ARHGAP5: variants seen among roughly 807,000 people sequenced by gnomAD.
ARHGAP5 encodes the protein rho GTPase-activating protein 5.
In ARHGAP5, 23 loss-of-function variants were observed where a neutral mutation model predicts 116.6. The ratio of observed to expected loss-of-function variants is 0.20; its 90% CI spans 0.14 to 0.28. The LOEUF (loss-of-function observed/expected upper bound fraction) is 0.28, where lower values mean the gene tolerates loss of function less well. Among genes scored for constraint, ARHGAP5 ranks in the 10% least tolerant of loss-of-function variants. The pLI, the probability that ARHGAP5 is intolerant of heterozygous loss-of-function variation, is 1.00. For missense variants in ARHGAP5, 1,405 were observed against 1,774.8 expected (o/e 0.79, Z 3.74); for synonymous variants, 574 against 602.0 (o/e 0.95, Z 0.68).
At chr14:32,085,901 A>G (rs1468913058) in intron 1 of ARHGAP5, among the ~76,000 whole-genome samples, 4 of 152,182 alleles carry the variant, frequency 2.6e-5, no homozygotes, top group African/African-American at 9.7e-5. Flanking sequence ...GTACATTATT[A>G]TAGATTGTAG....
In ARHGAP5 at chr14:32,092,991, A is replaced by G; in HGVS notation, c.2322A>G (p.Ser774=). 1 of 1,614,134 alleles carries G rather than the reference A, an allele frequency of 6.2e-7. No individual in the cohort carries two copies. The highest frequency in any genetic ancestry group is 8.5e-7 in the Non-Finnish European group (1 of 1,179,968). ...CAATTCCTGCCAATAAGGACTTATCAGAAGCTGACTTGAGAATTGTCATGT... is the reference window on the plus strand; with the variant it reads ...CAATTCCTGCCAATAAGGACTTATCGGAAGCTGACTTGAGAATTGTCATGT... The part of the protein sequence containing the change: ...VSPIPANKDL[S]EADLRIVMCA... The change falls in exon 2 of 7, where the codon TCA becomes TCG. Residue 774 remains serine (S), a synonymous_variant. Coordinates refer to ENST00000345122, the MANE Select transcript of ARHGAP5 (RefSeq NM_001030055.2). This position sits in a 1 kb window ranked among gnomAD's most constrained non-coding sequence, Gnocchi z 4.1.
At chr14:32,131,834 G>C (rs189948467) in intron 3 of ARHGAP5, among the ~76,000 whole-genome samples, 227 of 152,234 alleles carry the variant, frequency 1.5e-3, no homozygotes, top group Non-Finnish European at 2.7e-3. Context: ...AACATGCGGT[G>C]TTTGGTTTTT....
intron 3 of ARHGAP5, among the ~76,000 whole-genome samples, chr14:32,143,202 A>AGTTGTTGTTGTTGTTGTTGTT (rs140378018): frequency 1.4e-5 from 2 of 145,440 alleles, no homozygotes; most frequent in East Asian, 2.0e-4. Context: ...ACATTATTTT[A>AGTTGTTGTTGTTGTTGTTGTT]GTTGTTGTTG....
intron 2 of ARHGAP5, among the ~76,000 whole-genome samples, chr14:32,111,923 C>T (rs1464340036): frequency 6.8e-6 from 1 of 147,814 alleles, no homozygotes; most frequent in Non-Finnish European, 1.5e-5. Context: ...CTCACTGTAA[C>T]CTCCCGGGTT....
At chr14:32,137,824 T>A (rs1345703609) in intron 3 of ARHGAP5, among the ~76,000 whole-genome samples, 1 of 151,540 alleles carries the variant, frequency 6.6e-6, no homozygotes, top group Non-Finnish European at 1.5e-5. Flanking sequence ...ATACAAAAAT[T>A]AGCCAGACGT....
At chr14:32,148,015 T>C (rs113513550) in intron 4 of ARHGAP5, among the ~76,000 whole-genome samples, 3,426 of 152,166 alleles carry the variant, frequency 0.023, 48 homozygotes, top group Middle Eastern at 0.068. Context: ...TAGCCAGACA[T>C]GGTGGTACAC....
chr14:32,138,138 C>T (rs190596184), intron 3 of ARHGAP5, among the ~76,000 whole-genome samples: 79 of 152,146 alleles, frequency 5.2e-4, no homozygotes, highest in African/African-American at 1.8e-3. Flanking sequence ...CTTTAGGATG[C>T]TGTTGTAAAT....
chr14:32,134,662 A>G (rs1055377772), intron 3 of ARHGAP5, among the ~76,000 whole-genome samples: 3 of 152,236 alleles, frequency 2.0e-5, no homozygotes, highest in African/African-American at 7.2e-5. Flanking sequence ...TCACACATAC[A>G]TACTCTAAAC....
chr14:32,138,560 AG>A (rs1255185118), intron 3 of ARHGAP5, among the ~76,000 whole-genome samples: 1 of 152,246 alleles, frequency 6.6e-6, no homozygotes, highest in Non-Finnish European at 1.5e-5. Flanking sequence ...CTGGGATTAC[AG>A]GCGTGAGCCA....
At chr14:32,122,879 ATCTG>A (rs1879958771) in intron 3 of ARHGAP5, among the ~76,000 whole-genome samples, 1 of 152,158 alleles carries the variant, frequency 6.6e-6, no homozygotes, top group African/African-American at 2.4e-5. Flanking sequence ...ACATGATATT[ATCTG>A]TCTGTTTTCA....
intron 3 of ARHGAP5, among the ~76,000 whole-genome samples, chr14:32,130,389 T>TC (rs200207073): frequency 0.018 from 2,580 of 140,198 alleles, 77 homozygotes; most frequent in African/African-American, 0.066. Flanking sequence ...TTTTTTGGGT[T>TC]TTTTTTTTTT....
intron 3 of ARHGAP5, among the ~76,000 whole-genome samples, chr14:32,141,419 T>C (rs1298289176): frequency 6.6e-6 from 1 of 152,210 alleles, no homozygotes; most frequent in Non-Finnish European, 1.5e-5. Context: ...TCATTTCCCA[T>C]CTTTGTTATT....
intron 3 of ARHGAP5, among the ~76,000 whole-genome samples, chr14:32,125,515 A>G (rs1397443885): frequency 6.6e-6 from 1 of 152,228 alleles, no homozygotes; most frequent in Non-Finnish European, 1.5e-5. Context: ...ATACTGGATC[A>G]TATGGTAATT....
chr14:32,109,729 T>C (rs1048498615), intron 2 of ARHGAP5, among the ~76,000 whole-genome samples: 2 of 152,150 alleles, frequency 1.3e-5, no homozygotes, highest in Non-Finnish European at 2.9e-5. Flanking sequence ...TAAATATAAT[T>C]ATTACATATT....
In ARHGAP5 at chr14:32,155,816, A is replaced by C. The variant is rs1020184311; in HGVS notation, c.*868A>C. On this transcript the variant is annotated 3_prime_UTR_variant, in exon 7 of 7. Transcript: ENST00000345122. ...ACACATTTAGTATAGTGTAGAAAAT[A>C]CTTCCATGACATTTTCATATAAGGT... 1 of 152,592 alleles carries C rather than the reference A, an allele frequency of 6.6e-6. No individual in the cohort carries two copies. The highest frequency in any genetic ancestry group is 1.5e-5 in the Non-Finnish European group (1 of 67,996). 9.5% of individuals were successfully genotyped at this position (152,592 alleles called of 1,614,324 possible).
At chr14:32,116,433 C>CA (rs1424662356) in intron 2 of ARHGAP5, among the ~76,000 whole-genome samples, 3 of 148,512 alleles carry the variant, frequency 2.0e-5, no homozygotes, top group Admixed American at 6.7e-5. Context: ...ACTAAAAATA[C>CA]AAAAAAATAA....
At chr14:32,129,964 G>C (rs181265997) in intron 3 of ARHGAP5, among the ~76,000 whole-genome samples, 47 of 152,200 alleles carry the variant, frequency 3.1e-4, no homozygotes, top group African/African-American at 1.1e-3. Flanking sequence ...CTTTTGGGAA[G>C]CCAAGGAAGG....
chr14:32,128,706 G>A (rs1880324822), intron 3 of ARHGAP5, among the ~76,000 whole-genome samples: 1 of 152,186 alleles, frequency 6.6e-6, no homozygotes, highest in Admixed American at 6.5e-5. Context: ...TTGCATTCCT[G>A]GAATAAATGC....
intron 4 of ARHGAP5, among the ~76,000 whole-genome samples, chr14:32,147,972 G>A (rs1881458419): frequency 6.6e-6 from 1 of 152,192 alleles, no homozygotes; most frequent in Non-Finnish European, 1.5e-5. Flanking sequence ...GGGCAACACA[G>A]TGAAACCCCA....
Sources: allele counts gnomAD v4.1 joint callset (sites outside exome capture counted in the v4.1 genomes callset), GRCh38; gene constraint gnomAD v4.1.1; non-coding constraint Gnocchi (gnomAD v3.1); transcripts MANE v1.5; gene names NCBI Gene and HGNC (gene_info 2026-07-23, HGNC 2026-07-21).